Variants in HIP1 observed in about 807,000 individuals in gnomAD.
HIP1 encodes huntingtin-interacting protein 1.
A neutral mutation model predicts 147.6 loss-of-function variants in HIP1; 65 were observed. The observed-to-expected ratio is 0.44, with a 90% CI of 0.36 to 0.54. HIP1 has a LOEUF of 0.54. Ranked by LOEUF, HIP1 falls within the 20% of genes least tolerant of loss-of-function variation. The probability of loss-of-function intolerance (pLI) is 0.00; values close to 1 mark genes in which losing one functional copy is unlikely to be tolerated. For missense variants in HIP1, 1,061 were observed against 1,299.6 expected, an observed-to-expected ratio of 0.82 and a Z score of 2.82; for synonymous variants, 479 against 504.0, an observed-to-expected ratio of 0.95 and a Z score of 0.67.
chr7:75,731,628 T>C (rs1554523049), intron 1 of HIP1, among the ~76,000 whole-genome samples: 2 of 151,282 alleles, frequency 1.3e-5, no homozygotes. Context: ...GCAGAAGGGG[T>C]GGGGCGCCAG....
intron 1 of HIP1, among the ~76,000 whole-genome samples, chr7:75,606,959 G>A (rs1473275482): frequency 6.6e-6 from 1 of 152,066 alleles, no homozygotes; most frequent in Non-Finnish European, 1.5e-5. Context: ...CCTGGGTGGG[G>A]TGGCTCATGT....
At chr7:75,618,263 C>T (rs965976266) in intron 1 of HIP1, among the ~76,000 whole-genome samples, 1 of 152,096 alleles carries the variant, frequency 6.6e-6, no homozygotes, top group Admixed American at 6.6e-5. Context: ...GCGATTCTCA[C>T]ACCTTAGCCT....
rs116995851 is a variant in HIP1 at position 75,655,250 on chromosome 7, C to A, written c.121-56003G>T. Among the ~76,000 whole-genome samples the A allele has an allele frequency of 1.7e-3, 255 of 152,228 alleles. 2 individuals carry two copies. Among genetic ancestry groups the A allele is most frequent in the Admixed American group, 3.2e-3 (49 of 15,262 alleles). On this transcript the variant is annotated intron_variant, in intron 1 of 30. Transcript: ENST00000336926. ...TGAGGTTCTGATACATAATGCACTG[C>A]GGCTGAATTTTGAAAACATTCTGCT...
chr7:75,637,422 C>T (rs1798459513), intron 1 of HIP1, among the ~76,000 whole-genome samples: 1 of 152,046 alleles, frequency 6.6e-6, no homozygotes, highest in African/African-American at 2.4e-5. Flanking sequence ...CTTCAGATCC[C>T]TCAACCTCCT....
chr7:75,724,858 T>C (rs1350635969), intron 1 of HIP1, among the ~76,000 whole-genome samples: 11 of 152,190 alleles, frequency 7.2e-5, no homozygotes, highest in Admixed American at 7.2e-4. Context: ...AAGATGCTGC[T>C]TGCAGATGCG....
intron 9 of HIP1, among the ~76,000 whole-genome samples, chr7:75,567,418 T>A (rs1554495750): frequency 2.6e-5 from 4 of 151,514 alleles, no homozygotes; most frequent in Non-Finnish European, 5.9e-5. Flanking sequence ...TATGCTTCTA[T>A]GGGATTTATT....
At chr7:75,547,079 T>A in intron 24 of HIP1, 47 bp from the exon 25 acceptor site, 5 of 1,458,558 alleles carry the variant, frequency 3.4e-6, no homozygotes, top group Non-Finnish European at 4.7e-6. Flanking sequence ...AGATCCAAGA[T>A]CAATGAACAC....
intron 15 of HIP1, among the ~76,000 whole-genome samples, 185 bp downstream of exon 15, chr7:75,557,981 TG>T (rs1795081790): frequency 6.6e-6 from 1 of 152,214 alleles, no homozygotes; most frequent in Admixed American, 6.5e-5. Context: ...TACATGGGAT[TG>T]GCACCCAGGA....
intron 1 of HIP1, chr7:75,625,948 C>T (rs1798021199): frequency 6.6e-6 from 1 of 152,036 alleles, no homozygotes; most frequent in Non-Finnish European, 1.5e-5. Context: ...CTTTCTACCT[C>T]TTCTGCATGC....
intron 17 of HIP1, among the ~76,000 whole-genome samples, 198 bp from the exon 18 acceptor site, chr7:75,556,367 C>T (rs1795006492): frequency 6.6e-6 from 1 of 152,076 alleles, no homozygotes; most frequent in East Asian, 1.9e-4. Flanking sequence ...TGGATGACAG[C>T]AACGCCAAAG....
At chr7:75,687,436 A>C (rs546104983) in intron 1 of HIP1, among the ~76,000 whole-genome samples, 58 of 152,264 alleles carry the variant, frequency 3.8e-4, no homozygotes, top group African/African-American at 1.3e-3. Flanking sequence ...TCATGCCTGT[A>C]ATCTCATCAC....
At chr7:75,689,764 G>T (rs1800384010) in intron 1 of HIP1, among the ~76,000 whole-genome samples, 1 of 152,082 alleles carries the variant, frequency 6.6e-6, no homozygotes, top group African/African-American at 2.4e-5. Flanking sequence ...TCTCCCTTAG[G>T]TATCTCTCTG....
chr7:75,681,809 CT>C (rs1265114984), intron 1 of HIP1, among the ~76,000 whole-genome samples: 5 of 151,910 alleles, frequency 3.3e-5, no homozygotes, highest in African/African-American at 1.2e-4. Flanking sequence ...CCAGCACCTG[CT>C]CTTCTTTATG....
intron 1 of HIP1, among the ~76,000 whole-genome samples, chr7:75,673,835 A>AAAAAAAAAAG (rs1799802581): frequency 6.6e-6 from 1 of 150,516 alleles, no homozygotes; most frequent in Non-Finnish European, 1.5e-5. Flanking sequence ...AAAAAAAAAA[A>AAAAAAAAAAG]ATTAGCTGGG....
chr7:75,651,036 C>T (rs1415333173), intron 1 of HIP1, among the ~76,000 whole-genome samples: 13 of 152,166 alleles, frequency 8.5e-5, no homozygotes, highest in African/African-American at 2.4e-4. Flanking sequence ...ATTCATCCCG[C>T]ACATTTCTTT....
At chr7:75,709,457 T>C (rs2117347355) in intron 1 of HIP1, among the ~76,000 whole-genome samples, 1 of 152,342 alleles carries the variant, frequency 6.6e-6, no homozygotes, top group East Asian at 1.9e-4. Context: ...GAAATTGTTT[T>C]CTTAATTTCC....
At chr7:75,578,610 G>A (rs1293142255) in intron 7 of HIP1, among the ~76,000 whole-genome samples, 8 of 152,068 alleles carry the variant, frequency 5.3e-5, no homozygotes, top group South Asian at 2.1e-4. Flanking sequence ...CCCCAGAAGC[G>A]GAGGTTGCAG....
Position 75,637,084 on chromosome 7 carries a change from G to GC in HIP1, c.121-37838dup, listed in dbSNP as rs1554509782. Among the ~76,000 whole-genome samples, 3 of 152,260 alleles carry GC rather than the reference G, an allele frequency of 2.0e-5. No homozygotes were observed. The East Asian group carries it at 5.8e-4, about 29-fold the overall frequency. ...GACCCCCATGGTCCTCAAAGCTTTG[G>GC]CCTTCTGATCCAGGCCTGTATTGAT... On this transcript the variant is annotated intron_variant, in intron 1 of 30. Transcript: ENST00000336926.
intron 19 of HIP1, among the ~76,000 whole-genome samples, chr7:75,555,172 C>A (rs1794942100): frequency 8.9e-6 from 1 of 111,918 alleles, no homozygotes; most frequent in Non-Finnish European, 1.7e-5. Context: ...CAGAGTAAGA[C>A]CCTATCTCAA....
Sources: allele counts gnomAD v4.1 joint callset (sites outside exome capture counted in the v4.1 genomes callset), GRCh38; gene constraint gnomAD v4.1.1; transcripts MANE v1.5; gene names NCBI Gene and HGNC (gene_info 2026-07-23, HGNC 2026-07-21).